Variants in MYO10 observed in about 807,000 individuals in gnomAD.
MYO10 encodes myosin X.
Under a neutral mutation model 257.3 loss-of-function variants are expected in MYO10, and 133 were observed. That is an observed-to-expected ratio of 0.52 (90% CI 0.45 to 0.60). The LOEUF is 0.60. Ranked by LOEUF, MYO10 falls within the 20% of genes least tolerant of loss-of-function variation. MYO10 has a pLI of 0.00. For missense variants in MYO10, 2,399 were observed against 2,635.7 expected (o/e 0.91, Z 1.97); for synonymous variants, 1,104 against 1,028.6 (o/e 1.07, Z -1.40).
chr5:16,842,894 T>C (rs1455786021), intron 2 of MYO10, among the ~76,000 whole-genome samples: 1 of 139,566 alleles, frequency 7.2e-6, no homozygotes, highest in Non-Finnish European at 1.5e-5. Flanking sequence ...ACCCCGTCTC[T>C]ACTAAAAAAA....
chr5:16,767,719 CCAGGCTAT>C, intron 10 of MYO10, among the ~76,000 whole-genome samples: 1 of 151,806 alleles, frequency 6.6e-6, no homozygotes, highest in East Asian at 1.9e-4. Flanking sequence ...ACTTTGTCAC[CCAGGCTAT>C]AGTGCACTGG....
chr5:16,922,867 T>C (rs947072843), intron 1 of MYO10, among the ~76,000 whole-genome samples: 17 of 151,984 alleles, frequency 1.1e-4, no homozygotes, highest in African/African-American at 3.1e-4. Context: ...CTTATCTCTA[T>C]AAAAAATTTG....
chr5:16,835,989 C>T (rs1743301745), intron 2 of MYO10, among the ~76,000 whole-genome samples: 1 of 152,012 alleles, frequency 6.6e-6, no homozygotes. Flanking sequence ...ATGTAAAAGC[C>T]CTGCACAGCT....
chr5:16,865,811 G>GATGATAATAATA (rs1554004308), intron 2 of MYO10, among the ~76,000 whole-genome samples: 3 of 142,646 alleles, frequency 2.1e-5, no homozygotes, highest in East Asian at 4.2e-4. Context: ...ACTCCGTCTC[G>GATGATAATAATA]ATAATAATAA....
intron 2 of MYO10, among the ~76,000 whole-genome samples, chr5:16,850,073 A>G (rs1313801999): frequency 6.6e-6 from 1 of 152,214 alleles, no homozygotes; most frequent in East Asian, 1.9e-4. Flanking sequence ...TATAAGACAA[A>G]GAGGAATGCT....
chr5:16,913,504 A>G (rs750116830), intron 1 of MYO10, among the ~76,000 whole-genome samples: 1 of 152,172 alleles, frequency 6.6e-6, no homozygotes, highest in Non-Finnish European at 1.5e-5. Flanking sequence ...CCTTCTTCTC[A>G]AGTTTGTGAA....
Position 16,676,096 on chromosome 5 carries a change from C to T in MYO10, c.4601G>A (p.Arg1534Gln), listed in dbSNP as rs1561171702. 2 of 1,613,374 alleles carry T rather than the reference C, an allele frequency of 1.2e-6. No individual in the cohort carries two copies. The highest frequency in any genetic ancestry group is 1.7e-6 in the Non-Finnish European group (2 of 1,179,682). Residue 1534 changes from arginine (R) to glutamine (Q), a missense_variant, in exon 34 of 41, where the codon CGA becomes CAA. Transcript: ENST00000513610. ...GGAGTGCAAGGGGTGATGGGTGTAT[C>T]GAAGGATCGGGTTCCGCTTGTAAAT... ...EQIYKRNPIL[R>Q]YTHHPLHSPL...
chr5:16,668,126 C>T, intron 40 of MYO10, 151 bp downstream of exon 40: 1 of 733,062 alleles, frequency 1.4e-6, no homozygotes, highest in South Asian at 2.9e-5. Flanking sequence ...AGGGAACCGG[C>T]AGCTGGAAAG....
intron 19 of MYO10, among the ~76,000 whole-genome samples, chr5:16,743,077 G>C (rs1165704723): frequency 2.0e-5 from 3 of 152,070 alleles, no homozygotes; most frequent in Non-Finnish European, 4.4e-5. Flanking sequence ...CAGATACTGT[G>C]TCACTGTACT....
At chr5:16,896,018 C>T (rs993073525) in intron 1 of MYO10, among the ~76,000 whole-genome samples, 3 of 152,172 alleles carry the variant, frequency 2.0e-5, no homozygotes, top group South Asian at 2.1e-4. Context: ...CTGCCCTCTC[C>T]GCCTCAACAC....
In MYO10 at chr5:16,701,950, CATAAAGTCT is replaced by C; in HGVS notation, c.2557-121_2557-113del. 2.4e-6 allele frequency: 3 copies of C among 1,275,118 alleles called. No homozygotes were observed. The highest frequency in any genetic ancestry group is 3.2e-6 in the Non-Finnish European group (3 of 942,950). The allele number at this position is 1,275,118 out of a possible 1,614,324, so 79.0% of individuals were successfully genotyped here. A position where few individuals can be genotyped will look rare whatever the true frequency, so the allele number is the denominator to read the frequency against. On this transcript the variant is annotated intron_variant, in intron 24 of 40. Coordinates refer to ENST00000513610, the MANE Select transcript of MYO10 (RefSeq NM_012334.3). This position sits in a 1 kb window ranked among gnomAD's most constrained non-coding sequence, Gnocchi z 8.1. The stretch of plus-strand genomic sequence containing the variant: ...GTCATTATGAGTTGGACTGTGTCCC[CATAAAGTCT>C]ATAGGTTGAAGTCCTAACCCCAATA...
chr5:16,880,836 C>G (rs182082237), intron 1 of MYO10, among the ~76,000 whole-genome samples: 1 of 152,328 alleles, frequency 6.6e-6, no homozygotes, highest in East Asian at 1.9e-4. Flanking sequence ...TGCTACGACG[C>G]TGGTCTCTCA....
intron 3 of MYO10, among the ~76,000 whole-genome samples, chr5:16,805,866 GA>G (rs1352127483): frequency 6.6e-6 from 1 of 152,146 alleles, no homozygotes; most frequent in Non-Finnish European, 1.5e-5. Flanking sequence ...AAATGTTGGA[GA>G]AGCTCACTTC....
intron 19 of MYO10, among the ~76,000 whole-genome samples, chr5:16,749,137 T>G (rs573997249): frequency 7.9e-5 from 12 of 152,244 alleles, no homozygotes; most frequent in African/African-American, 2.6e-4. Context: ...CCCTGCTGGT[T>G]TCCCTCCCCT....
intron 2 of MYO10, among the ~76,000 whole-genome samples, chr5:16,833,447 C>T (rs540001594): frequency 3.9e-5 from 6 of 152,044 alleles, no homozygotes; most frequent in South Asian, 2.1e-4. Context: ...CTCCTGACCT[C>T]GTGATTTGCC....
intron 2 of MYO10, among the ~76,000 whole-genome samples, chr5:16,874,926 C>T (rs1268434851): frequency 1.3e-5 from 2 of 152,146 alleles, no homozygotes; most frequent in Non-Finnish European, 2.9e-5. Flanking sequence ...TGGGAGGCCT[C>T]AGAATCATGG....
intron 3 of MYO10, among the ~76,000 whole-genome samples, chr5:16,796,479 A>AAAAGAAAAG (rs1741975051): frequency 3.4e-5 from 4 of 116,144 alleles, no homozygotes; most frequent in African/African-American, 1.6e-4. Context: ...AAAAGAAAAG[A>AAAAGAAAAG]AAAGAAAGAA....
intron 4 of MYO10, among the ~76,000 whole-genome samples, chr5:16,793,563 A>C (rs1334720202): frequency 2.0e-5 from 3 of 151,888 alleles, no homozygotes; most frequent in Admixed American, 2.0e-4. Context: ...ACTCAAGTGA[A>C]CCACCCTCCT....
chr5:16,671,387 C>G (rs372571240), intron 38 of MYO10, 35 bp downstream of exon 38: 1 of 1,610,272 alleles, frequency 6.2e-7, no homozygotes, highest in African/African-American at 1.3e-5. Context: ...CCTTGCTTGC[C>G]GGCAAAGAAA....
Sources: allele counts gnomAD v4.1 joint callset (sites outside exome capture counted in the v4.1 genomes callset), GRCh38; gene constraint gnomAD v4.1.1; non-coding constraint Gnocchi (gnomAD v3.1); transcripts MANE v1.5; gene names NCBI Gene and HGNC (gene_info 2026-07-23, HGNC 2026-07-21).